CPA6: variants seen among roughly 807,000 people sequenced by gnomAD.
The protein encoded by CPA6 is carboxypeptidase B.
In CPA6, 58 loss-of-function variants were observed where a neutral mutation model predicts 63.3. The ratio of observed to expected loss-of-function variants is 0.92; its 90% CI spans 0.74 to 1.14. The LOEUF is 1.14. Ranked by LOEUF, CPA6 falls within the 50% of genes most tolerant of loss-of-function variation. The pLI, the probability that CPA6 is intolerant of heterozygous loss-of-function variation, is 0.00. For synonymous variants in CPA6, 185 were observed against 179.0 expected (o/e 1.03, Z -0.27); for missense variants, 565 against 526.6 (o/e 1.07, Z -0.71).
chr8:67,630,212 C>T (rs1315717494), intron 1 of CPA6, among the ~76,000 whole-genome samples: 6 of 151,912 alleles, frequency 3.9e-5, no homozygotes, highest in Non-Finnish European at 8.8e-5. Context: ...TGGAGCTTGT[C>T]CCTGCAGCTC....
chr8:67,466,444 T>A (rs921509558), intron 8 of CPA6, among the ~76,000 whole-genome samples: 1 of 152,216 alleles, frequency 6.6e-6, no homozygotes, highest in Non-Finnish European at 1.5e-5. Flanking sequence ...TATGAATTTT[T>A]GGGTCTCAAT....
At chr8:67,658,080 T>C (rs1397682760) in intron 1 of CPA6, among the ~76,000 whole-genome samples, 3 of 152,192 alleles carry the variant, frequency 2.0e-5, no homozygotes, top group Non-Finnish European at 4.4e-5. Context: ...ACCTTTCTTG[T>C]CTTTTTTGTT....
At chr8:67,567,851 C>A (rs1215397846) in intron 2 of CPA6, among the ~76,000 whole-genome samples, 2 of 152,096 alleles carry the variant, frequency 1.3e-5, no homozygotes, top group South Asian at 2.1e-4. Flanking sequence ...TGAGATGCTT[C>A]CCAGGAAGCC....
At chr8:67,505,432 G>C (rs1054643344) in intron 6 of CPA6, among the ~76,000 whole-genome samples, 1 of 152,182 alleles carries the variant, frequency 6.6e-6, no homozygotes, top group Non-Finnish European at 1.5e-5. Flanking sequence ...TAGCTGGAAT[G>C]CTGGGGAGAT....
At chr8:67,481,888 C>A (rs1315509544) in intron 8 of CPA6, among the ~76,000 whole-genome samples, 1 of 152,212 alleles carries the variant, frequency 6.6e-6, no homozygotes, top group East Asian at 1.9e-4. Flanking sequence ...GGAGACCTTG[C>A]AGCTGACACA....
chr8:67,434,661 G>T (rs1474321478), intron 8 of CPA6, among the ~76,000 whole-genome samples: 2 of 152,210 alleles, frequency 1.3e-5, no homozygotes, highest in Non-Finnish European at 2.9e-5. Flanking sequence ...AGCCCTAGTG[G>T]CTCCCTCGCT....
rs981720871 is a variant in CPA6 at position 67,441,416 on chromosome 8, A to G, written c.839-7176T>C. ...AGTGTAAAGATATTCATTCTTCCCT[A>G]TTTATTTAGTTATTTTGTTCAATTC... On this transcript the variant is annotated intron_variant, in intron 8 of 10. Transcript: ENST00000297770. Among the ~76,000 whole-genome samples the G allele has an allele frequency of 3.9e-5, 6 of 152,150 alleles. 1 individual carries two copies. In the South Asian group the frequency reaches 1.0e-3, roughly 26 times the overall value.
intron 1 of CPA6, among the ~76,000 whole-genome samples, chr8:67,700,992 T>C (rs1012234696): frequency 6.6e-6 from 1 of 152,180 alleles, no homozygotes; most frequent in South Asian, 2.1e-4. Flanking sequence ...TAGAATATTA[T>C]AGACATAATC....
intron 2 of CPA6, among the ~76,000 whole-genome samples, chr8:67,620,556 C>G (rs1354728113): frequency 6.6e-6 from 1 of 152,176 alleles, no homozygotes; most frequent in Non-Finnish European, 1.5e-5. Context: ...GTTAGCAATG[C>G]CCATAATTCT....
chr8:67,599,673 C>T (rs943826494), intron 2 of CPA6, among the ~76,000 whole-genome samples: 3 of 152,130 alleles, frequency 2.0e-5, no homozygotes, highest in African/African-American at 7.2e-5. Flanking sequence ...CTGAAACTGT[C>T]CCATTTGAAG....
At chr8:67,650,084 G>T (rs552429892) in intron 1 of CPA6, among the ~76,000 whole-genome samples, 1 of 152,166 alleles carries the variant, frequency 6.6e-6, no homozygotes, top group South Asian at 2.1e-4. Flanking sequence ...TTATATGGGG[G>T]CTGTATGTGG....
rs535741411 is a variant in CPA6 at position 67,537,123 on chromosome 8, C to T, written c.193-19076G>A. On this transcript the variant is annotated intron_variant, in intron 2 of 10. Coordinates refer to ENST00000297770, the MANE Select transcript of CPA6 (RefSeq NM_020361.5). ...TGTATTTTATTGAGGATTTTCACAT[C>T]GATGTTCATCAGGGATATTGACCTG... Among the ~76,000 whole-genome samples, 77 of 152,210 alleles carry T rather than the reference C, an allele frequency of 5.1e-4. 3 individuals carry two copies. The highest frequency in any genetic ancestry group is 1.5e-3 in the East Asian group (8 of 5,184).
At chr8:67,642,280 T>C (rs1045815817) in intron 1 of CPA6, among the ~76,000 whole-genome samples, 2 of 150,770 alleles carry the variant, frequency 1.3e-5, no homozygotes, top group African/African-American at 2.5e-5. Flanking sequence ...ATCATGCCAT[T>C]GCACTCCAAC....
Position 67,483,839 on chromosome 8 carries a change from G to T in CPA6, c.767C>A (p.Thr256Lys), listed in dbSNP as rs751801328. 2.5e-6 allele frequency: 4 copies of T among 1,613,972 alleles called. No homozygotes were observed. The South Asian group carries it at 4.4e-5, about 18-fold the overall frequency. Residue 256 changes from threonine (T) to lysine (K), a missense_variant, in exon 8 of 11, where the codon ACA (threonine) becomes AAA (lysine). By Grantham distance (78) the Thr-to-Lys change is moderately conservative (BLOSUM62 -1). Transcript: ENST00000297770. ...SWTNDRFWRK[T>K]RSRNSRFRCR... ...GCGAAACCTTGAGTTCCTTGACCTT[G>T]TTTTTCTCCAAAATCGATCCTAGAC...
intron 1 of CPA6, among the ~76,000 whole-genome samples, chr8:67,742,154 G>A (rs753200171): frequency 3.3e-5 from 5 of 152,132 alleles, no homozygotes; most frequent in Non-Finnish European, 7.4e-5. Flanking sequence ...GCGCGTGTGT[G>A]TGTGACAACA....
chr8:67,602,986 C>G (rs1394636046), intron 2 of CPA6, among the ~76,000 whole-genome samples: 2 of 151,734 alleles, frequency 1.3e-5, no homozygotes, highest in Non-Finnish European at 2.9e-5. Context: ...AAAAGAAAAA[C>G]AAAAAACAAA....
At chr8:67,683,880 T>G (rs1347465519) in intron 1 of CPA6, among the ~76,000 whole-genome samples, 1 of 150,638 alleles carries the variant, frequency 6.6e-6, no homozygotes, top group Non-Finnish European at 1.5e-5. Flanking sequence ...GCTGGAGTGC[T>G]GTGGTGCCAT....
Position 67,454,839 on chromosome 8 carries a change from A to G in CPA6, c.839-20599T>C, listed in dbSNP as rs571907912. ...AAGTATTGAGATGTAAAACTCTACA[A>G]GGACCTCATAAATCTAGAAAGGAGA... On this transcript the variant is annotated intron_variant, in intron 8 of 10. Transcript: ENST00000297770. 2.0e-5 allele frequency among the ~76,000 whole-genome samples: 3 copies of G among 152,334 alleles called. No homozygotes were observed. The East Asian group carries it at 5.8e-4, about 29-fold the overall frequency.
At chr8:67,594,418 T>G in intron 2 of CPA6, among the ~76,000 whole-genome samples, 1 of 152,200 alleles carries the variant, frequency 6.6e-6, no homozygotes, top group Non-Finnish European at 1.5e-5. Context: ...TTCCTGAATC[T>G]GAATGTTGGC....
Sources: allele counts gnomAD v4.1 joint callset (sites outside exome capture counted in the v4.1 genomes callset), GRCh38; gene constraint gnomAD v4.1.1; transcripts MANE v1.5; gene names NCBI Gene and HGNC (gene_info 2026-07-23, HGNC 2026-07-21).